Variants in G3BP2 observed in about 807,000 individuals in gnomAD.
G3BP2 encodes the protein ras GTPase-activating protein-binding protein 2.
In G3BP2, 11 loss-of-function variants were observed where a neutral mutation model predicts 56.7. The observed-to-expected ratio is 0.19, with a 90% CI of 0.12 to 0.32. The LOEUF (loss-of-function observed/expected upper bound fraction) is 0.32, where lower values mean the gene tolerates loss of function less well. Ranked by LOEUF, G3BP2 falls within the 10% of genes least tolerant of loss-of-function variation. The pLI is 1.00. For synonymous variants in G3BP2, 165 were observed against 191.6 expected (o/e 0.86, Z 1.15); for missense variants, 340 against 610.9 (o/e 0.56, Z 4.67).
intron 10 of G3BP2, 21 bp from the exon 11 acceptor site, chr4:75,646,477 T>C (rs1468354429): frequency 7.8e-7 from 1 of 1,280,682 alleles, no homozygotes; most frequent in Admixed American, 1.7e-5. Flanking sequence ...ATACATTACA[T>C]CAAGGGTTAA....
At position 75,673,370 on chromosome 4, in the gene G3BP2, C is replaced by T; in HGVS notation, c.-187G>A. 2 of 1,231,134 alleles carry T rather than the reference C, an allele frequency of 1.6e-6. No individual in the cohort carries two copies. Among genetic ancestry groups the T allele is most frequent in the Non-Finnish European group, 2.0e-6 (2 of 987,896 alleles). The allele number at this position is 1,231,134 out of a possible 1,614,324, so 76.3% of individuals were successfully genotyped here. On this transcript the variant is annotated 5_prime_UTR_variant, in exon 1 of 12. Coordinates refer to ENST00000359707, the MANE Select transcript of G3BP2 (RefSeq NM_203505.3). ...TCGTCTGCCTCACAACCACCTCTTCCCGGGCGCCAGGCGCTGCGACGTGCG... is the reference window on the plus strand; with the variant it reads ...TCGTCTGCCTCACAACCACCTCTTCTCGGGCGCCAGGCGCTGCGACGTGCG...
chr4:75,673,088 G>T (rs1455974188), intron 1 of G3BP2, 120 bp downstream of exon 1: 21 of 1,034,808 alleles, frequency 2.0e-5, no homozygotes, highest in Non-Finnish European at 2.2e-5. Flanking sequence ...CAATGTCTCT[G>T]CCGCTACACC....
chr4:75,651,422 A>G (rs1329925279), intron 8 of G3BP2, among the ~76,000 whole-genome samples: 3 of 152,250 alleles, frequency 2.0e-5, no homozygotes, highest in Non-Finnish European at 4.4e-5. Flanking sequence ...TGAAAATTAA[A>G]AACAGATAAA....
chr4:75,706,626 G>A (rs1031831390), intron 3 of G3BP2, among the ~76,000 whole-genome samples: 58 of 147,242 alleles, frequency 3.9e-4, no homozygotes, highest in Non-Finnish European at 5.8e-4. Context: ...GCGGTGAGCC[G>A]AGATCGTGCC....
chr4:75,685,893 C>T (rs776194434), intron 3 of G3BP2, among the ~76,000 whole-genome samples: 2 of 151,952 alleles, frequency 1.3e-5, no homozygotes, highest in South Asian at 2.1e-4. Context: ...AAGGAACTGC[C>T]CTTTGAAAAT....
At chr4:75,670,891 A>T (rs1288490978) in intron 1 of G3BP2, among the ~76,000 whole-genome samples, 1 of 152,356 alleles carries the variant, frequency 6.6e-6, no homozygotes. Context: ...AATTAATTTT[A>T]AACAAGCAAT....
At chr4:75,678,665 GAA>G (rs1447003512) in intron 3 of G3BP2, among the ~76,000 whole-genome samples, 1 of 152,118 alleles carries the variant, frequency 6.6e-6, no homozygotes, top group Non-Finnish European at 1.5e-5. Flanking sequence ...AAATAAAAAA[GAA>G]TCTGGGCTCC....
chr4:75,649,403 T>C (rs138883290), intron 8 of G3BP2, among the ~76,000 whole-genome samples: 1 of 152,318 alleles, frequency 6.6e-6, no homozygotes, highest in East Asian at 1.9e-4. Flanking sequence ...GAGAAAAATA[T>C]GCATTTGAAG....
Position 75,647,083 on chromosome 4 carries a change from C to G in G3BP2, c.1003G>C (p.Val335Leu). ...IRYPDSHQLF[V>L]GNLPHDIDEN... ...TCAATATCATGTGGCAAGTTACCAA[C>G]AAAAAGTTGATGACTATCTGGATAG... The change falls in exon 10 of 12, where the codon GTT (valine) becomes CTT (leucine). Residue 335 changes from valine (V) to leucine (L), a missense_variant. Val to Leu is a conservative substitution (Grantham distance 32, BLOSUM62 1). Coordinates refer to ENST00000359707, the MANE Select transcript of G3BP2 (RefSeq NM_203505.3). 1.2e-6 allele frequency: 2 copies of G among 1,600,788 alleles called. No homozygotes were observed. Among genetic ancestry groups the G allele is most frequent in the Non-Finnish European group, 1.7e-6 (2 of 1,168,928 alleles).
chr4:75,694,789 A>C, intron 3 of G3BP2: 1 of 985,970 alleles, frequency 1.0e-6, no homozygotes, highest in Non-Finnish European at 1.2e-6. Flanking sequence ...CTATGTCTTT[A>C]TACCTTACCA....
At position 75,661,945 on chromosome 4, in the gene G3BP2, C is replaced by T. The variant is rs750677577; in HGVS notation, c.81G>A (p.Pro27=). Residue 27 remains proline (P), a synonymous_variant, in exon 2 of 12, where the codon CCG becomes CCA. Coordinates refer to ENST00000359707, the MANE Select transcript of G3BP2 (RefSeq NM_203505.3). Reference sequence around the variant, plus strand: ...TTAAAATTTACCTGTGTAAATATTCCGGAGCTTTATTCAGCAAAGTATAAT... The same window carrying T: ...TTAAAATTTACCTGTGTAAATATTCTGGAGCTTTATTCAGCAAAGTATAAT... ...RQYYTLLNKA[P]EYLHRFYGRN... The T allele has an allele frequency of 8.3e-6, 13 of 1,561,032 alleles. No individual in the cohort carries two copies. Among genetic ancestry groups the T allele is most frequent in the South Asian group, 2.2e-5 (2 of 89,646 alleles).
upstream of G3BP2, chr4:75,673,601 A>T: frequency 8.1e-7 from 1 of 1,231,508 alleles, no homozygotes; most frequent in East Asian, 3.2e-5. Context: ...AAGCCGGGGA[A>T]CCGGAACCGG....
chr4:75,706,086 T>C lies in G3BP2; in HGVS notation c.-25+14791A>G, dbSNP rs541051535. Among the ~76,000 whole-genome samples the C allele has an allele frequency of 2.5e-4, 38 of 152,276 alleles. No homozygotes were observed. In the East Asian group the frequency reaches 2.7e-3, roughly 11 times the overall value. On this transcript the variant is annotated intron_variant, in intron 3 of 3. Transcript: ENST00000499709. Reference sequence around the variant, plus strand: ...TGACACTATGAGGTTGGTTCTATTATTATTTCCATTTTACAGATGATGATA... The same window carrying C: ...TGACACTATGAGGTTGGTTCTATTACTATTTCCATTTTACAGATGATGATA...
chr4:75,677,821 G>A (rs555874667), upstream of G3BP2, among the ~76,000 whole-genome samples: 1 of 152,186 alleles, frequency 6.6e-6, no homozygotes, highest in Non-Finnish European at 1.5e-5. Context: ...GAATGTATGT[G>A]CCCCTCCAAA....
At chr4:75,689,410 A>G (rs963594954) in intron 3 of G3BP2, among the ~76,000 whole-genome samples, 2 of 152,088 alleles carry the variant, frequency 1.3e-5, no homozygotes, top group African/African-American at 4.8e-5. Flanking sequence ...AAATCATGCC[A>G]ATGGAAAAAT....
intron 4 of G3BP2, among the ~76,000 whole-genome samples, chr4:75,657,353 A>G (rs1427338856): frequency 6.6e-6 from 1 of 152,224 alleles, no homozygotes; most frequent in Non-Finnish European, 1.5e-5. Flanking sequence ...TTAATCATCT[A>G]TTTACAAACT....
intron 3 of G3BP2, among the ~76,000 whole-genome samples, chr4:75,691,827 A>C (rs1226726031): frequency 6.6e-6 from 1 of 152,226 alleles, no homozygotes; most frequent in Non-Finnish European, 1.5e-5. Context: ...GTCCAGACAC[A>C]TTATATATTG....
chr4:75,709,489 ATAGTCTC>A (rs1047813923), intron 3 of G3BP2, among the ~76,000 whole-genome samples: 5 of 148,914 alleles, frequency 3.4e-5, no homozygotes, highest in African/African-American at 1.2e-4. Context: ...GCACATGCCT[ATAGTCTC>A]AACTACTCTG....
chr4:75,653,932 C>A (rs761645547), intron 8 of G3BP2, 51 bp downstream of exon 8: 3 of 803,900 alleles, frequency 3.7e-6, no homozygotes, highest in South Asian at 3.1e-5. Context: ...TAAAAATAAG[C>A]AATTGGCAAT....
Sources: allele counts gnomAD v4.1 joint callset (sites outside exome capture counted in the v4.1 genomes callset), GRCh38; gene constraint gnomAD v4.1.1; transcripts MANE v1.5; gene names NCBI Gene and HGNC (gene_info 2026-07-23, HGNC 2026-07-21).